GALNTL6: variants seen among roughly 807,000 people sequenced by gnomAD.
GALNTL6 encodes polypeptide N-acetylgalactosaminyltransferase-like 6.
Under a neutral mutation model 73.7 loss-of-function variants are expected in GALNTL6, and 46 were observed. The observed-to-expected ratio is 0.62, with a 90% CI of 0.49 to 0.80. The LOEUF (loss-of-function observed/expected upper bound fraction) is 0.80, where lower values mean the gene tolerates loss of function less well. Among genes scored for constraint, GALNTL6 ranks in the 30% least tolerant of loss-of-function variants. The probability of loss-of-function intolerance (pLI) is 0.00; values close to 1 mark genes in which losing one functional copy is unlikely to be tolerated. For missense variants in GALNTL6, 604 were observed against 755.0 expected, an observed-to-expected ratio of 0.80 and a Z score of 2.34; for synonymous variants, 259 against 263.7, an observed-to-expected ratio of 0.98 and a Z score of 0.17.
intron 2 of GALNTL6, among the ~76,000 whole-genome samples, chr4:171,984,513 T>C (rs988403517): frequency 1.3e-5 from 2 of 152,102 alleles, no homozygotes; most frequent in Non-Finnish European, 2.9e-5. Context: ...GAGAGAGTTT[T>C]GTAGCGGGAC....
At chr4:172,728,297 G>A (rs1392455085) in intron 5 of GALNTL6, among the ~76,000 whole-genome samples, 1 of 151,828 alleles carries the variant, frequency 6.6e-6, no homozygotes, top group Admixed American at 6.6e-5. Context: ...CCTGGCCTCC[G>A]ATAACCACCA....
intron 10 of GALNTL6, among the ~76,000 whole-genome samples, chr4:172,976,706 T>G (rs1750827087): frequency 6.6e-6 from 1 of 152,242 alleles, no homozygotes; most frequent in African/African-American, 2.4e-5. Context: ...GTCCACCTTT[T>G]CTGATTTCAG....
chr4:172,049,216 A>G (rs956784973), intron 2 of GALNTL6, among the ~76,000 whole-genome samples: 4 of 148,604 alleles, frequency 2.7e-5, no homozygotes, highest in African/African-American at 1.0e-4. Context: ...AAATACTGAG[A>G]CTTCATGAAA....
At chr4:171,848,426 T>C (rs2110856110) in intron 2 of GALNTL6, among the ~76,000 whole-genome samples, 1 of 152,332 alleles carries the variant, frequency 6.6e-6, no homozygotes, top group East Asian at 1.9e-4. Flanking sequence ...ACCAGCTGCA[T>C]TCACCTGTAA....
intron 8 of GALNTL6, among the ~76,000 whole-genome samples, chr4:172,915,094 C>T (rs1747431330): frequency 1.3e-5 from 2 of 152,232 alleles, no homozygotes; most frequent in South Asian, 4.1e-4. Context: ...GATTAAGAAA[C>T]TCACTCAAAA....
chr4:172,683,374 A>C (rs1021831256), intron 5 of GALNTL6, among the ~76,000 whole-genome samples: 2 of 152,228 alleles, frequency 1.3e-5, no homozygotes, highest in African/African-American at 4.8e-5. Flanking sequence ...TTATCATGTC[A>C]TTTTAAGTCA....
chr4:172,630,035 G>T (rs992172139), intron 5 of GALNTL6, among the ~76,000 whole-genome samples: 1 of 152,172 alleles, frequency 6.6e-6, no homozygotes, highest in African/African-American at 2.4e-5. Context: ...TGTTCAGGAA[G>T]ATTATGATGC....
At chr4:172,336,279 T>TTTTTTG (rs1741318380) in intron 4 of GALNTL6, among the ~76,000 whole-genome samples, 3 of 137,584 alleles carry the variant, frequency 2.2e-5, no homozygotes, top group Admixed American at 2.2e-4. Context: ...TGTTTTGTTT[T>TTTTTTG]TTTTTTTTTT....
rs144816250 is a variant in GALNTL6, at chr4:172,953,936, C to T, written c.1371+1678C>T. Among the ~76,000 whole-genome samples, 21 of 152,324 alleles carry T rather than the reference C, an allele frequency of 1.4e-4. No homozygotes were observed. In the East Asian group the frequency reaches 2.5e-3, roughly 18 times the overall value. ...TTGAAAAGAATTTTCTTAATCCTAA[C>T]GTGTTGGAAGGCATGGGAAGTGAGT... On this transcript the variant is annotated intron_variant, in intron 10 of 12. Transcript: ENST00000506823.
In GALNTL6 at chr4:171,950,625, G is replaced by A. The variant is rs529829572; in HGVS notation, c.138+135907G>A. On this transcript the variant is annotated intron_variant, in intron 2 of 12. Transcript: ENST00000506823. ...CTCCCGAGTAGCTGGGACTACAGGC[G>A]GGCACCACCACGCCAGGCTAATTTT... Among the ~76,000 whole-genome samples, 16 of 151,744 alleles carry A rather than the reference G, an allele frequency of 1.1e-4. No individual in the cohort carries two copies. The South Asian group carries it at 1.2e-3, about 12-fold the overall frequency.
chr4:172,264,614 T>C (rs1738386847), intron 3 of GALNTL6, among the ~76,000 whole-genome samples: 2 of 56,714 alleles, frequency 3.5e-5, no homozygotes, highest in South Asian at 8.0e-4. Context: ...TATACACATA[T>C]AATATATTTG....
intron 2 of GALNTL6, among the ~76,000 whole-genome samples, chr4:172,055,710 C>G (rs1643610561): frequency 6.6e-6 from 1 of 152,074 alleles, no homozygotes; most frequent in South Asian, 2.1e-4. Flanking sequence ...ATTTGAGAGC[C>G]CCATCTGACA....
intron 5 of GALNTL6, among the ~76,000 whole-genome samples, chr4:172,748,847 G>A (rs945603637): frequency 3.3e-4 from 50 of 152,222 alleles, no homozygotes; most frequent in African/African-American, 1.0e-3. Context: ...ATGTATACAG[G>A]TATTGTACTG....
At chr4:172,488,264 C>T (rs1733767883) in intron 5 of GALNTL6, among the ~76,000 whole-genome samples, 2 of 152,202 alleles carry the variant, frequency 1.3e-5, no homozygotes, top group South Asian at 2.1e-4. Flanking sequence ...TGCTCCAGAA[C>T]AGGCCTCCTC....
At chr4:173,021,664 T>C (rs1434788036) in intron 12 of GALNTL6, 39 bp downstream of exon 12, 1 of 1,602,692 alleles carries the variant, frequency 6.2e-7, no homozygotes, top group Non-Finnish European at 8.5e-7. Flanking sequence ...CAAATTACTG[T>C]GGTTTAAGTT....
chr4:172,679,473 G>T (rs1029087829), intron 5 of GALNTL6, among the ~76,000 whole-genome samples: 2 of 151,640 alleles, frequency 1.3e-5, no homozygotes, highest in Admixed American at 1.3e-4. Flanking sequence ...GGACTTGTTT[G>T]CCAGGCTACA....
At chr4:171,946,109 T>G (rs1431506796) in intron 2 of GALNTL6, among the ~76,000 whole-genome samples, 1 of 152,152 alleles carries the variant, frequency 6.6e-6, no homozygotes, top group Non-Finnish European at 1.5e-5. Flanking sequence ...AGCTGGGTAT[T>G]GCCAATACAA....
intron 5 of GALNTL6, among the ~76,000 whole-genome samples, chr4:172,663,754 C>T (rs578078379): frequency 6.6e-6 from 1 of 152,140 alleles, no homozygotes; most frequent in East Asian, 1.9e-4. Context: ...CAGGGCGAAA[C>T]CCCATCTCTA....
At chr4:172,086,567 A>G (rs1347389809) in intron 2 of GALNTL6, among the ~76,000 whole-genome samples, 1 of 152,176 alleles carries the variant, frequency 6.6e-6, no homozygotes, top group African/African-American at 2.4e-5. Context: ...CTATAAACAC[A>G]TGCACACAGA....
Sources: allele counts gnomAD v4.1 joint callset (sites outside exome capture counted in the v4.1 genomes callset), GRCh38; gene constraint gnomAD v4.1.1; transcripts MANE v1.5; gene names NCBI Gene and HGNC (gene_info 2026-07-23, HGNC 2026-07-21).